AGPAT5: variants seen among roughly 807,000 people sequenced by gnomAD.
AGPAT5 encodes the protein 1-acylglycerol-3-phosphate O-acyltransferase 5.
Under a neutral mutation model 45.6 loss-of-function variants are expected in AGPAT5, and 46 were observed. That is an observed-to-expected ratio of 1.01 (90% CI 0.80 to 1.29). The LOEUF is 1.29. AGPAT5 is among the 50% of genes most tolerant of loss of function. AGPAT5 has a pLI of 0.00. For synonymous variants in AGPAT5, 272 were observed against 167.0 expected, an observed-to-expected ratio of 1.63 and a Z score of -4.85; for missense variants, 673 against 450.7, an observed-to-expected ratio of 1.49 and a Z score of -4.47.
chr8:6,727,363 C>T (rs1019473219), intron 2 of AGPAT5, among the ~76,000 whole-genome samples: 17 of 151,706 alleles, frequency 1.1e-4, no homozygotes, highest in Non-Finnish European at 2.2e-4. Context: ...TATCCTTCAA[C>T]TATCTACTTT....
rs1380519250 is a variant in AGPAT5 at position 6,760,215 on chromosome 8, G to A, written c.*2827G>A. On this transcript the variant is annotated 3_prime_UTR_variant, in exon 8 of 8. Transcript: ENST00000285518. Reference sequence around the variant, plus strand: ...AAGACCAGCCTGGGCAACATATCGAGAACCTGTCTACAAAAAAATTAAAAA... The same window carrying A: ...AAGACCAGCCTGGGCAACATATCGAAAACCTGTCTACAAAAAAATTAAAAA... Among the ~76,000 whole-genome samples the A allele has an allele frequency of 6.6e-6, 1 of 152,042 alleles. No homozygotes were observed. The highest frequency in any genetic ancestry group is 1.9e-4 in the East Asian group (1 of 5,196).
intron 1 of AGPAT5, among the ~76,000 whole-genome samples, chr8:6,713,260 A>T (rs773091728): frequency 6.6e-6 from 1 of 152,186 alleles, no homozygotes; most frequent in Non-Finnish European, 1.5e-5. Flanking sequence ...GTGAGCCACC[A>T]TGCCTAGCCC....
chr8:6,731,821 G>A (rs1396499881), intron 3 of AGPAT5, among the ~76,000 whole-genome samples: 1 of 152,008 alleles, frequency 6.6e-6, no homozygotes, highest in Non-Finnish European at 1.5e-5. Context: ...AGATCAAGGT[G>A]TTGACAGGGT....
chr8:6,741,452 G>A (rs1184203635), intron 4 of AGPAT5, among the ~76,000 whole-genome samples: 1 of 152,018 alleles, frequency 6.6e-6, no homozygotes, highest in African/African-American at 2.4e-5. Context: ...ATGTAGCACT[G>A]CATTTAAAAT....
chr8:6,754,387 A>G (rs904382982), intron 6 of AGPAT5, among the ~76,000 whole-genome samples: 26 of 152,248 alleles, frequency 1.7e-4, no homozygotes, highest in African/African-American at 6.0e-4. Flanking sequence ...GTATCAGGAA[A>G]GCAAGGAGTG....
intron 1 of AGPAT5, among the ~76,000 whole-genome samples, chr8:6,722,211 A>T (rs1389620023): frequency 6.6e-6 from 1 of 152,164 alleles, no homozygotes; most frequent in Non-Finnish European, 1.5e-5. Context: ...AATTCATATC[A>T]CCTTTCCACA....
At chr8:6,732,759 TACTAATTCAGGG>T in intron 4 of AGPAT5, 109 bp downstream of exon 4, 6 of 1,003,352 alleles carry the variant, frequency 6.0e-6, no homozygotes, top group Non-Finnish European at 8.5e-6. Flanking sequence ...CATGTGTAAT[TACTAATTCAGGG>T]TTATGCTGAG....
In AGPAT5 at chr8:6,708,692, C is replaced by T. The variant is rs1586990082; in HGVS notation, c.24C>T (p.His8=). The T allele has an allele frequency of 1.2e-6, 2 of 1,603,366 alleles. No homozygotes were observed. The highest frequency in any genetic ancestry group is 2.2e-5 in the East Asian group (1 of 44,784). ...AGATGCTGCTGTCCCTGGTGCTCCA[C>T]ACGTACTCCATGCGCTACCTGCTGC... MLLSLVL[H]TYSMRYLLPS... The change falls in exon 1 of 8, where the codon CAC becomes CAT. Residue 8 remains histidine, a synonymous_variant. Transcript: ENST00000285518.
intron 1 of AGPAT5, among the ~76,000 whole-genome samples, chr8:6,710,083 G>T (rs1214108532): frequency 6.6e-6 from 1 of 152,086 alleles, no homozygotes; most frequent in Non-Finnish European, 1.5e-5. Context: ...GTGACAACTG[G>T]CCTGGGATGG....
Position 6,715,848 on chromosome 8 carries a change from T to C in AGPAT5, c.219+6961T>C, listed in dbSNP as rs994839909. On this transcript the variant is annotated intron_variant, in intron 1 of 7. Transcript: ENST00000285518. Reference sequence around the variant, plus strand: ...AAGGCTATAAAAATTACTTGGAGTTTTTACTTTGAACATGCGTAATTAACA... The same window carrying C: ...AAGGCTATAAAAATTACTTGGAGTTCTTACTTTGAACATGCGTAATTAACA... 2.0e-5 allele frequency among the ~76,000 whole-genome samples: 3 copies of C among 152,224 alleles called. No individual in the cohort carries two copies. The East Asian group carries it at 5.8e-4, about 29-fold the overall frequency.
chr8:6,727,865 G>A (rs185268845), intron 2 of AGPAT5, among the ~76,000 whole-genome samples: 74 of 152,284 alleles, frequency 4.9e-4, no homozygotes, highest in African/African-American at 1.7e-3. Context: ...TGTGTCAGTG[G>A]GCAAATTACT....
chr8:6,757,137 C>G (rs368960148), intron 7 of AGPAT5, 26 bp from the exon 8 acceptor site: 2 of 1,581,224 alleles, frequency 1.3e-6, no homozygotes, highest in South Asian at 1.1e-5. Flanking sequence ...TGACTAAAAT[C>G]TAAACTTTTT....
At chr8:6,740,177 CAT>C (rs982834265) in intron 4 of AGPAT5, among the ~76,000 whole-genome samples, 6 of 152,176 alleles carry the variant, frequency 3.9e-5, no homozygotes, top group African/African-American at 7.2e-5. Context: ...AATAATACCA[CAT>C]GAGTTATTAA....
intron 2 of AGPAT5, among the ~76,000 whole-genome samples, chr8:6,729,603 A>G (rs1587022272): frequency 6.6e-6 from 1 of 152,090 alleles, no homozygotes; most frequent in East Asian, 1.9e-4. Context: ...GACCTGTATC[A>G]TTTGTCTCCT....
At chr8:6,754,045 C>A (rs1801744956) in intron 6 of AGPAT5, among the ~76,000 whole-genome samples, 1 of 152,166 alleles carries the variant, frequency 6.6e-6, no homozygotes, top group African/African-American at 2.4e-5. Context: ...CAATTTGAGG[C>A]CAAAGGTCTC....
intron 6 of AGPAT5, among the ~76,000 whole-genome samples, chr8:6,753,868 A>G (rs1801738167): frequency 6.6e-6 from 1 of 152,214 alleles, no homozygotes; most frequent in Non-Finnish European, 1.5e-5. Flanking sequence ...GATCACCTAA[A>G]TGCTGCATGT....
rs1587046887 is a variant in AGPAT5 at position 6,741,867 on chromosome 8, C to T, written c.586+116C>T. 6.7e-6 allele frequency: 5 copies of T among 741,188 alleles called. No homozygotes were observed. In the Admixed American group the frequency reaches 7.4e-5, roughly 11 times the overall value. 45.9% of individuals were successfully genotyped at this position (741,188 alleles called of 1,614,324 possible). A position where few individuals can be genotyped will look rare whatever the true frequency, so the allele number is the denominator to read the frequency against. On this transcript the variant is annotated intron_variant, in intron 5 of 7. Transcript: ENST00000285518. ...AGTTGAAGGAATGAATGTATTCATT[C>T]CTTGAATTAGTGTACATATTATCTC...
At chr8:6,745,758 G>C (rs1215748870) in intron 5 of AGPAT5, 1 of 147,460 alleles carries the variant, frequency 6.8e-6, no homozygotes, top group Non-Finnish European at 1.5e-5. Context: ...TGTATTTCTT[G>C]CCTTTTCATC....
chr8:6,715,457 ACACT>A (rs1278975842), intron 1 of AGPAT5, among the ~76,000 whole-genome samples: 2 of 152,236 alleles, frequency 1.3e-5, no homozygotes, highest in South Asian at 2.1e-4. Flanking sequence ...GGTTAGTAAC[ACACT>A]CAGTCGCAGT....
Sources: gnomAD v4.1 joint callset for allele counts (sites outside exome capture counted in the v4.1 genomes callset) on GRCh38, gnomAD v4.1.1 for gene constraint, MANE v1.5 for transcripts, NCBI Gene and HGNC (gene_info 2026-07-23, HGNC 2026-07-21) for gene names.